Variants in VPS13A observed in about 807,000 individuals in gnomAD.
VPS13A encodes the protein vacuolar protein sorting 13 homolog A, also known as intermembrane lipid transfer protein VPS13A.
Under a neutral mutation model 390.9 loss-of-function variants are expected in VPS13A, and 264 were observed. The observed-to-expected ratio is 0.68, with a 90% CI of 0.61 to 0.75. The LOEUF is 0.75. VPS13A is among the 30% of genes least tolerant of loss of function. The pLI, the probability that VPS13A is intolerant of heterozygous loss-of-function variation, is 0.00. For missense variants in VPS13A, 3,409 were observed against 3,733.9 expected (o/e 0.91, Z 2.27); for synonymous variants, 1,231 against 1,227.1 (o/e 1.00, Z -0.07).
chr9:77,322,319 T>C (rs573534478), intron 44 of VPS13A, among the ~76,000 whole-genome samples: 1 of 151,990 alleles, frequency 6.6e-6, no homozygotes, highest in African/African-American at 2.4e-5. Flanking sequence ...TCATAATATG[T>C]AGTCATTGTG....
chr9:77,184,289 T>G (rs1046947219), intron 1 of VPS13A, among the ~76,000 whole-genome samples: 20 of 152,138 alleles, frequency 1.3e-4, no homozygotes, highest in African/African-American at 4.6e-4. Context: ...TACATACACA[T>G]CTATTCTGCT....
At chr9:77,241,540 C>T (rs1824498651) in intron 19 of VPS13A, among the ~76,000 whole-genome samples, 2 of 148,710 alleles carry the variant, frequency 1.3e-5, no homozygotes, top group Non-Finnish European at 3.0e-5. Context: ...TTTTGTGGTT[C>T]TGTTTTTCCT....
intron 45 of VPS13A, among the ~76,000 whole-genome samples, chr9:77,323,554 GAAAT>G (rs1829857445): frequency 6.6e-6 from 1 of 151,816 alleles, no homozygotes; most frequent in African/African-American, 2.4e-5. Context: ...AATTTTTAGA[GAAAT>G]AAAAAAATTT....
intron 13 of VPS13A, among the ~76,000 whole-genome samples, chr9:77,222,029 A>G (rs576611195): frequency 6.6e-6 from 1 of 152,278 alleles, no homozygotes; most frequent in African/African-American, 2.4e-5. Context: ...ACATATTTCA[A>G]GAGGGACTCT....
rs57841628 is a variant in VPS13A at position 77,341,691 on chromosome 9, C to CT, written c.7026+1170dup. On this transcript the variant is annotated intron_variant, in intron 50 of 71. Transcript: ENST00000360280. ...AGTAAGTTCTACATGGACATCTTTC[C>CT]TTTTTTTTTTTTTTTTTTTTTTTTT... 4.5e-3 allele frequency among the ~76,000 whole-genome samples: 171 copies of CT among 37,804 alleles called. 4 individuals carry two copies. Among genetic ancestry groups the CT allele is most frequent in the South Asian group, 5.3e-3 (4 of 754 alleles). The allele number at this position is 37,804 out of a possible 152,430, so 24.8% of individuals were successfully genotyped here.
chr9:77,326,770 A>G (rs1301176744), intron 45 of VPS13A, among the ~76,000 whole-genome samples: 1 of 151,898 alleles, frequency 6.6e-6, no homozygotes, highest in African/African-American at 2.4e-5. Context: ...ATAATTTTTT[A>G]TTGGTTACCT....
chr9:77,241,927 T>G (rs1224219219), intron 19 of VPS13A, among the ~76,000 whole-genome samples: 1 of 152,180 alleles, frequency 6.6e-6, no homozygotes, highest in African/African-American at 2.4e-5. Context: ...AGGTTTTACT[T>G]CACAATTATT....
intron 53 of VPS13A, among the ~76,000 whole-genome samples, chr9:77,351,954 C>T (rs113640972): frequency 2.8e-4 from 43 of 152,306 alleles, no homozygotes; most frequent in Non-Finnish European, 5.9e-4. Flanking sequence ...TGAAAAACTG[C>T]CAAACGTCTT....
chr9:77,313,467 A>G (rs939118908), intron 35 of VPS13A, among the ~76,000 whole-genome samples: 1 of 152,204 alleles, frequency 6.6e-6, no homozygotes, highest in Non-Finnish European at 1.5e-5. Flanking sequence ...CTGAAGTTAG[A>G]TATAATGAGA....
chr9:77,405,649 ATTG>A (rs1359303086), intron 69 of VPS13A, among the ~76,000 whole-genome samples: 12 of 152,204 alleles, frequency 7.9e-5, no homozygotes, highest in South Asian at 2.1e-4. Context: ...TGGAAATACT[ATTG>A]TTATCTTTTT....
chr9:77,339,462 A>G (rs2131504129), intron 47 of VPS13A, 54 bp from the exon 48 acceptor site: 1 of 1,482,666 alleles, frequency 6.7e-7, no homozygotes, highest in East Asian at 2.5e-5. Context: ...ATTTTGAGGC[A>G]TATTATTCTG....
At chr9:77,273,421 T>G (rs1214285254) in intron 24 of VPS13A, 57 bp downstream of exon 24, 2 of 1,419,690 alleles carry the variant, frequency 1.4e-6, no homozygotes, top group East Asian at 2.5e-5. Flanking sequence ...ATTTCTGTTT[T>G]GAGGCATATT....
intron 52 of VPS13A, among the ~76,000 whole-genome samples, chr9:77,347,603 A>G (rs1274577315): frequency 6.6e-6 from 1 of 152,064 alleles, no homozygotes; most frequent in Non-Finnish European, 1.5e-5. Context: ...CAGCCTTCCA[A>G]GTAGCTGGGT....
chr9:77,205,903 T>A, intron 4 of VPS13A, 75 bp from the exon 5 acceptor site: 4 of 1,186,392 alleles, frequency 3.4e-6, no homozygotes, highest in Non-Finnish European at 4.8e-6. Context: ...TAATGATTAT[T>A]TGTAAGGATT....
intron 46 of VPS13A, among the ~76,000 whole-genome samples, chr9:77,334,851 A>G (rs754915046): frequency 5.3e-5 from 8 of 152,204 alleles, no homozygotes; most frequent in Non-Finnish European, 1.0e-4. Flanking sequence ...AGAATAGGCT[A>G]TATCTGTTAA....
At chr9:77,247,550 A>T (rs926510756) in intron 20 of VPS13A, among the ~76,000 whole-genome samples, 155 bp downstream of exon 20, 2 of 152,216 alleles carry the variant, frequency 1.3e-5, no homozygotes, top group African/African-American at 4.8e-5. Context: ...CTGTTAAATA[A>T]AGTGAAGTCT....
At chr9:77,191,127 G>A (rs1270661492) in intron 1 of VPS13A, among the ~76,000 whole-genome samples, 3 of 151,926 alleles carry the variant, frequency 2.0e-5, no homozygotes, top group African/African-American at 7.2e-5. Context: ...CTCTAGGCAT[G>A]ATGTTAGTTG....
chr9:77,336,028 A>G (rs1830521143), intron 46 of VPS13A, among the ~76,000 whole-genome samples: 1 of 152,218 alleles, frequency 6.6e-6, no homozygotes. Context: ...ACGCAGCCAT[A>G]GAAAAGAATG....
intron 46 of VPS13A, among the ~76,000 whole-genome samples, chr9:77,334,559 A>G (rs1183445734): frequency 1.3e-5 from 2 of 151,836 alleles, no homozygotes; most frequent in Non-Finnish European, 2.9e-5. Flanking sequence ...AGAGCCAACC[A>G]CTCTGCCCTC....
Sources: allele counts gnomAD v4.1 joint callset (sites outside exome capture counted in the v4.1 genomes callset), GRCh38; gene constraint gnomAD v4.1.1; transcripts MANE v1.5; gene names NCBI Gene and HGNC (gene_info 2026-07-23, HGNC 2026-07-21).